Variants in RBMS3 observed in about 807,000 individuals in gnomAD.
RBMS3 encodes RNA-binding motif, single-stranded-interacting protein 3.
RBMS3 carries 27 observed loss-of-function variants against 66.8 expected under a neutral mutation model. The observed-to-expected ratio is 0.40, with a 90% CI of 0.30 to 0.56. The LOEUF (loss-of-function observed/expected upper bound fraction) is 0.56. Among genes scored for constraint, RBMS3 ranks in the 20% least tolerant of loss-of-function variants. The pLI, the probability that RBMS3 is intolerant of heterozygous loss-of-function variation, is 0.40. For missense variants in RBMS3, 513 were observed against 549.5 expected (o/e 0.93, Z 0.66); for synonymous variants, 188 against 183.0 (o/e 1.03, Z -0.22).
At chr3:29,411,632 C>T (rs2040270943) in intron 1 of RBMS3, among the ~76,000 whole-genome samples, 1 of 152,140 alleles carries the variant, frequency 6.6e-6, no homozygotes, top group Non-Finnish European at 1.5e-5. Flanking sequence ...CTTTTATGCC[C>T]AACGGTGTTT....
At chr3:29,611,062 T>C (rs747921745) in intron 4 of RBMS3, among the ~76,000 whole-genome samples, 1 of 152,052 alleles carries the variant, frequency 6.6e-6, no homozygotes, top group Non-Finnish European at 1.5e-5. Context: ...AAATGAGATA[T>C]GCCAAGCCAA....
chr3:29,303,111 T>G (rs1008862515), intron 1 of RBMS3, among the ~76,000 whole-genome samples: 1 of 152,002 alleles, frequency 6.6e-6, no homozygotes, highest in African/African-American at 2.4e-5. Flanking sequence ...CAGCCACACC[T>G]CAATGGAGAC....
At chr3:29,676,844 G>C (rs1477561663) in intron 4 of RBMS3, among the ~76,000 whole-genome samples, 1 of 152,088 alleles carries the variant, frequency 6.6e-6, no homozygotes, top group Non-Finnish European at 1.5e-5. Flanking sequence ...GCATAGTTTT[G>C]TTTTGTAATT....
intron 10 of RBMS3, among the ~76,000 whole-genome samples, chr3:29,914,367 TC>T (rs1241288733): frequency 1.3e-5 from 2 of 151,844 alleles, no homozygotes; most frequent in Non-Finnish European, 1.5e-5. Context: ...AATATGTACC[TC>T]CAAATACAGG....
chr3:29,985,970 T>C (rs1698360237), intron 12 of RBMS3, among the ~76,000 whole-genome samples: 1 of 152,248 alleles, frequency 6.6e-6, no homozygotes, highest in Non-Finnish European at 1.5e-5. Context: ...CTTAGAGATG[T>C]AGAGAGTGGA....
At chr3:29,720,046 C>T (rs748639898) in intron 4 of RBMS3, among the ~76,000 whole-genome samples, 3 of 152,074 alleles carry the variant, frequency 2.0e-5, no homozygotes, top group Non-Finnish European at 4.4e-5. Flanking sequence ...ACATGGCCCA[C>T]AAGGCCCTAT....
intron 7 of RBMS3, among the ~76,000 whole-genome samples, chr3:29,873,286 A>T (rs1247379652): frequency 1.3e-5 from 2 of 151,992 alleles, no homozygotes; most frequent in African/African-American, 4.8e-5. Context: ...TGTAATTCTC[A>T]TCATAGAGAC....
At chr3:29,860,932 T>C (rs1170446942) in intron 6 of RBMS3, among the ~76,000 whole-genome samples, 4 of 152,140 alleles carry the variant, frequency 2.6e-5, no homozygotes, top group African/African-American at 9.7e-5. Context: ...TGCAGTGAGC[T>C]CTCTTGCAGT....
intron 5 of RBMS3, among the ~76,000 whole-genome samples, chr3:29,753,526 A>C (rs1395036401): frequency 6.6e-6 from 1 of 152,192 alleles, no homozygotes; most frequent in Non-Finnish European, 1.5e-5. Context: ...AGCCCCGTAC[A>C]TTTATAATCA....
At chr3:29,894,258 G>T (rs2060071138) in intron 8 of RBMS3, among the ~76,000 whole-genome samples, 1 of 151,452 alleles carries the variant, frequency 6.6e-6, no homozygotes, top group Non-Finnish European at 1.5e-5. Context: ...TCTCACTCTT[G>T]CCCAGGCTGG....
intron 6 of RBMS3, among the ~76,000 whole-genome samples, chr3:29,796,311 T>C (rs2057183636): frequency 6.6e-6 from 1 of 152,160 alleles, no homozygotes; most frequent in African/African-American, 2.4e-5. Context: ...TTACCACATC[T>C]TCAGAGACTT....
At chr3:29,831,243 G>A (rs1345253981) in intron 6 of RBMS3, among the ~76,000 whole-genome samples, 1 of 152,076 alleles carries the variant, frequency 6.6e-6, no homozygotes, top group African/African-American at 2.4e-5. Context: ...GAGTATATTT[G>A]TTTGCTCATA....
chr3:29,287,706 T>C (rs1258737679), intron 1 of RBMS3, among the ~76,000 whole-genome samples: 1 of 152,014 alleles, frequency 6.6e-6, no homozygotes, highest in Non-Finnish European at 1.5e-5. Context: ...TAATAAAAAT[T>C]AATAACCTCT....
At chr3:29,313,155 C>A (rs78066230) in intron 1 of RBMS3, among the ~76,000 whole-genome samples, 2,337 of 151,796 alleles carry the variant, frequency 0.015, 63 homozygotes, top group African/African-American at 0.053. Flanking sequence ...ATTTTTCAAA[C>A]CTTGGAACGA....
intron 4 of RBMS3, among the ~76,000 whole-genome samples, chr3:29,623,292 T>C (rs796580980): frequency 4.0e-5 from 6 of 151,584 alleles, no homozygotes; most frequent in African/African-American, 1.5e-4. Flanking sequence ...TGAGTAAACA[T>C]TATAAAAGTA....
intron 1 of RBMS3, among the ~76,000 whole-genome samples, chr3:29,340,203 G>T (rs1256338313): frequency 6.6e-6 from 1 of 152,076 alleles, no homozygotes; most frequent in Non-Finnish European, 1.5e-5. Flanking sequence ...GAGGCTTCTG[G>T]TTAAAACAAC....
intron 4 of RBMS3, chr3:29,641,097 C>T (rs1176176166): frequency 1.3e-5 from 2 of 151,998 alleles, no homozygotes; most frequent in South Asian, 2.1e-4. Flanking sequence ...GTCTCACCTC[C>T]GAAGCAAGCG....
At chr3:29,441,416 A>G (rs1335984621) in intron 2 of RBMS3, among the ~76,000 whole-genome samples, 1 of 152,162 alleles carries the variant, frequency 6.6e-6, no homozygotes, top group Non-Finnish European at 1.5e-5. Flanking sequence ...TACATGCCTC[A>G]TACTCTACTA....
At chr3:29,653,314 T>G in intron 4 of RBMS3, among the ~76,000 whole-genome samples, 1 of 152,148 alleles carries the variant, frequency 6.6e-6, no homozygotes, top group East Asian at 1.9e-4. Flanking sequence ...GGATTATAGG[T>G]TTTGAGTAGA....
Sources: gnomAD v4.1 joint callset for allele counts (sites outside exome capture counted in the v4.1 genomes callset) on GRCh38, gnomAD v4.1.1 for gene constraint, MANE v1.5 for transcripts, NCBI Gene and HGNC (gene_info 2026-07-23, HGNC 2026-07-21) for gene names.